Variants in EPG5 observed in about 807,000 individuals in gnomAD.
EPG5 encodes the protein ectopic P-granules 5 autophagy tethering factor, also known as ectopic P granules protein 5 homolog.
Under a neutral mutation model 302.7 loss-of-function variants are expected in EPG5, and 159 were observed. That is an observed-to-expected ratio of 0.53 (90% CI 0.46 to 0.60). The LOEUF is 0.60. EPG5 is among the 20% of genes least tolerant of loss of function. The pLI is 0.00. For missense variants in EPG5, 2,896 were observed against 3,092.4 expected (o/e 0.94, Z 1.51); for synonymous variants, 1,158 against 1,136.8 (o/e 1.02, Z -0.37).
At position 45,967,229 on chromosome 18, in the gene EPG5, G is replaced by T; in HGVS notation, c.11C>A (p.Ala4Glu). Residue 4 changes from alanine to glutamate, a missense_variant, in exon 1 of 44, where the codon GCG becomes GAG. Around this residue, in one of 5 missense-constraint regions of EPG5, gnomAD observed 1,390 missense variants for 1,430.0 expected, o/e 0.97. Coordinates refer to ENST00000282041, the MANE Select transcript of EPG5 (RefSeq NM_020964.3). MAE[A>E]VKPQRRAKAK... The stretch of plus-strand genomic sequence containing the variant: ...CTTGGCCCGGCGCTGGGGCTTCACC[G>T]CCTCGGCCATAGACCCTTCCGCGGC... 1.2e-6 allele frequency: 2 copies of T among 1,602,850 alleles called. No homozygotes were observed. Among genetic ancestry groups the T allele is most frequent in the East Asian group, 2.3e-5 (1 of 44,296 alleles).
Position 45,879,218 on chromosome 18 carries a change from GA to G in EPG5, c.5668-5del, listed in dbSNP as rs766628709. On this transcript the variant is annotated splice_region_variant and splice_polypyrimidine_tract_variant and intron_variant, in intron 32 of 43. Coordinates refer to ENST00000282041, the MANE Select transcript of EPG5 (RefSeq NM_020964.3). ...GCCACTGTATAGTCTCCATTACCTG[GA>G]AGAGACAACTAGTCAAAAAATGCTT... 1.9e-6 allele frequency: 3 copies of G among 1,596,966 alleles called. No homozygotes were observed. The highest frequency in any genetic ancestry group is 2.6e-6 in the Non-Finnish European group (3 of 1,174,098).
At chr18:45,934,534 T>A (rs1031628764) in intron 11 of EPG5, among the ~76,000 whole-genome samples, 1 of 152,184 alleles carries the variant, frequency 6.6e-6, no homozygotes, top group African/African-American at 2.4e-5. Flanking sequence ...CTAGAATAAT[T>A]TCACACACAC....
In EPG5 at chr18:45,885,572, G is replaced by A. The variant is rs748208743; in HGVS notation, c.5110-761C>T. ...CATAATAATATATAATCAAGATGAC[G>A]TCATCTTGTTTTAACTTGGTTCTAA... On this transcript the variant is annotated intron_variant, in intron 29 of 43. Coordinates refer to ENST00000282041, the MANE Select transcript of EPG5 (RefSeq NM_020964.3). 1.5e-4 allele frequency among the ~76,000 whole-genome samples: 23 copies of A among 152,004 alleles called. 1 individual carries two copies. Among genetic ancestry groups the A allele is most frequent in the Admixed American group, 1.2e-3 (18 of 15,272 alleles).
intron 24 of EPG5, among the ~76,000 whole-genome samples, chr18:45,905,025 T>C (rs1030737704): frequency 6.6e-6 from 1 of 152,106 alleles, no homozygotes; most frequent in African/African-American, 2.4e-5. Context: ...TCCTATAAAA[T>C]GGAATTTTTT....
chr18:45,856,820 G>A (rs994333533), intron 42 of EPG5, among the ~76,000 whole-genome samples: 2 of 152,186 alleles, frequency 1.3e-5, no homozygotes, highest in African/African-American at 4.8e-5. Flanking sequence ...AGAGAAAACA[G>A]GAGCTAATGG....
chr18:45,828,901 G>A, the EPG5 span, among the ~76,000 whole-genome samples: 130 of 152,362 alleles, frequency 8.5e-4, no homozygotes, highest in African/African-American at 3.1e-3. Flanking sequence ...CAGGACCGGA[G>A]GACATGGGCT....
chr18:45,953,430 CCCT>C, intron 2 of EPG5: 1 of 985,328 alleles, frequency 1.0e-6, no homozygotes, highest in Non-Finnish European at 1.2e-6. Flanking sequence ...CCAAATATTT[CCCT>C]CCTTACTATG....
At chr18:45,880,295 A>G in intron 31 of EPG5, 72 bp from the exon 32 acceptor site, 3 of 1,370,738 alleles carry the variant, frequency 2.2e-6, no homozygotes, top group Non-Finnish European at 2.9e-6. Context: ...AACAAAGAAT[A>G]TGAGCACCTT....
At chr18:45,941,394 G>A (rs544456265) in intron 9 of EPG5, among the ~76,000 whole-genome samples, 2 of 152,318 alleles carry the variant, frequency 1.3e-5, no homozygotes, top group South Asian at 4.1e-4. Flanking sequence ...TCATCTGTAG[G>A]AGCTGTTTGG....
rs1470797555 is a variant in EPG5, at chr18:45,951,239, C to T, written c.1253-1G>A. ...GGAATGCTTTCTGTCTGCTTAGACG[C>T]TGTAAATGAAAGATATTAAATGAGT... On this transcript the variant is annotated splice_acceptor_variant, in intron 3 of 43. Transcript: ENST00000282041. LOFTEE classifies it high-confidence loss of function. 1.4e-6 allele frequency: 2 copies of T among 1,480,876 alleles called. No homozygotes were observed. The highest frequency in any genetic ancestry group is 2.3e-5 in the Admixed American group (1 of 43,628). 91.7% of individuals were successfully genotyped at this position (1,480,876 alleles called of 1,614,324 possible).
the EPG5 span, among the ~76,000 whole-genome samples, chr18:45,829,980 C>T: frequency 1.2e-4 from 18 of 152,332 alleles, no homozygotes; most frequent in Admixed American, 1.2e-3. Context: ...ACGGGACTCA[C>T]TTTCCTGTCT....
rs1170487598 is a variant in EPG5 at position 45,848,506 on chromosome 18, G to A, written c.*3961C>T. 6.6e-6 allele frequency: 1 copy of A among 152,258 alleles called. No homozygotes were observed. The highest frequency in any genetic ancestry group is 1.5e-5 in the Non-Finnish European group (1 of 68,056). The allele number at this position is 152,258 out of a possible 1,614,324, so 9.4% of individuals were successfully genotyped here. ...CTGATGCTGCCCAAGCATTTAGGGA[G>A]ATAATTATGCCACTTGGACCACACT... On this transcript the variant is annotated 3_prime_UTR_variant, in exon 44 of 44. Transcript: ENST00000282041.
intron 25 of EPG5, 28 bp downstream of exon 25, chr18:45,903,945 C>T (rs1006909334): frequency 4.4e-6 from 7 of 1,581,940 alleles, no homozygotes; most frequent in South Asian, 2.3e-5. Context: ...TTCACTCATT[C>T]GAAGGGGCAG....
At chr18:45,947,901 T>C (rs2050821740) in intron 6 of EPG5, among the ~76,000 whole-genome samples, 1 of 152,174 alleles carries the variant, frequency 6.6e-6, no homozygotes, top group African/African-American at 2.4e-5. Context: ...GCCTCCCAAG[T>C]AGCTGGGATT....
At chr18:45,888,124 G>A (rs2049258379) in intron 28 of EPG5, among the ~76,000 whole-genome samples, 2 of 151,222 alleles carry the variant, frequency 1.3e-5, no homozygotes, top group Middle Eastern at 3.2e-3. Flanking sequence ...TGGGGTGGGG[G>A]AGACAGAGTC....
At chr18:45,875,867 C>T (rs548848078) in intron 35 of EPG5, among the ~76,000 whole-genome samples, 1 of 152,168 alleles carries the variant, frequency 6.6e-6, no homozygotes, top group Admixed American at 6.5e-5. Context: ...CCAGCCTGGG[C>T]AACATGGTGA....
rs192737910 is a variant in EPG5, at chr18:45,897,513, C to T, written c.4809+1891G>A. On this transcript the variant is annotated intron_variant, in intron 27 of 43. Coordinates refer to ENST00000282041, the MANE Select transcript of EPG5 (RefSeq NM_020964.3). ...CTCCCAGTTTTATTACTTCAGCAAGCGATCTTTTCTTAAATATTTCTACCT... is the reference window on the plus strand; with the variant it reads ...CTCCCAGTTTTATTACTTCAGCAAGTGATCTTTTCTTAAATATTTCTACCT... Among the ~76,000 whole-genome samples the T allele has an allele frequency of 1.6e-3, 236 of 152,208 alleles. 2 individuals are homozygous for T. The highest frequency in any genetic ancestry group is 5.3e-3 in the African/African-American group (219 of 41,540).
intron 24 of EPG5, among the ~76,000 whole-genome samples, chr18:45,906,137 T>C (rs2049746012): frequency 6.6e-6 from 1 of 152,196 alleles, no homozygotes; most frequent in South Asian, 2.1e-4. Flanking sequence ...AACTCCTTGA[T>C]AGAGAGCTCT....
chr18:45,952,065 C>T (rs893290547), intron 3 of EPG5, among the ~76,000 whole-genome samples: 2 of 152,176 alleles, frequency 1.3e-5, no homozygotes, highest in Admixed American at 1.3e-4. Flanking sequence ...AGAAGTATTC[C>T]GATGATTACT....
Sources: gnomAD v4.1 joint callset for allele counts (sites outside exome capture counted in the v4.1 genomes callset) on GRCh38, gnomAD v4.1.1 for gene constraint, gnomAD v4.1.1 regional missense constraint, MANE v1.5 for transcripts, NCBI Gene and HGNC (gene_info 2026-07-23, HGNC 2026-07-21) for gene names.